Variants in PTPRT observed in about 807,000 individuals in gnomAD.
The protein encoded by PTPRT is receptor-type tyrosine-protein phosphatase T.
Under a neutral mutation model 176.8 loss-of-function variants are expected in PTPRT, and 56 were observed. The ratio of observed to expected loss-of-function variants is 0.32; its 90% CI spans 0.26 to 0.40. PTPRT has a LOEUF of 0.40. Ranked by LOEUF, PTPRT falls within the 10% of genes least tolerant of loss-of-function variation. PTPRT has a pLI of 1.00. For missense variants in PTPRT, 1,540 were observed against 1,908.2 expected, an observed-to-expected ratio of 0.81 and a Z score of 3.60; for synonymous variants, 783 against 739.0, an observed-to-expected ratio of 1.06 and a Z score of -0.96.
rs186887354 is a variant in PTPRT, at chr20:42,522,806, T to C, written c.1154-50244A>G. Reference sequence around the variant, plus strand: ...TTTGCATGTGTTTTTATTTCGATTATCTTCTGTCTTCCCATTTATATGAAA... The same window carrying C: ...TTTGCATGTGTTTTTATTTCGATTACCTTCTGTCTTCCCATTTATATGAAA... On this transcript the variant is annotated intron_variant, in intron 7 of 30. Coordinates refer to ENST00000373187, the MANE Select transcript of PTPRT (RefSeq NM_007050.6). 2.6e-4 allele frequency among the ~76,000 whole-genome samples: 40 copies of C among 152,276 alleles called. No homozygotes were observed. The East Asian group carries it at 6.9e-3, about 26-fold the overall frequency.
chr20:42,426,912 G>A (rs971430674), intron 9 of PTPRT, among the ~76,000 whole-genome samples: 2 of 152,156 alleles, frequency 1.3e-5, no homozygotes, highest in Admixed American at 1.3e-4. Flanking sequence ...CAGGAGTCCT[G>A]AGAATTTGAG....
intron 26 of PTPRT, among the ~76,000 whole-genome samples, chr20:42,100,291 C>T (rs191429142): frequency 9.9e-5 from 15 of 152,160 alleles, no homozygotes; most frequent in African/African-American, 2.4e-4. Flanking sequence ...AGGGATCAGC[C>T]GGCAATCCAT....
In PTPRT at chr20:43,120,462, G is replaced by A. The variant is rs540294716; in HGVS notation, c.88+69184C>T. Among the ~76,000 whole-genome samples the A allele has an allele frequency of 5.9e-5, 9 of 152,236 alleles. No homozygotes were observed. In the South Asian group the frequency reaches 1.0e-3, roughly 18 times the overall value. On this transcript the variant is annotated intron_variant, in intron 1 of 30. Transcript: ENST00000373187. ...AATTGTTTGTATTTTTAGTAGAGAC[G>A]GGGTTTCACCATGTTAGCCAGGATG...
intron 2 of PTPRT, among the ~76,000 whole-genome samples, chr20:42,798,155 C>T: frequency 6.6e-6 from 1 of 152,148 alleles, no homozygotes; most frequent in East Asian, 1.9e-4. Flanking sequence ...CAGCCATGGT[C>T]CTTCATTAAA....
intron 7 of PTPRT, among the ~76,000 whole-genome samples, chr20:42,499,394 C>T (rs374781376): frequency 1.6e-4 from 24 of 151,770 alleles, no homozygotes; most frequent in African/African-American, 5.3e-4. Flanking sequence ...TGGGTTCAAG[C>T]GATTCTACTG....
intron 16 of PTPRT, among the ~76,000 whole-genome samples, chr20:42,169,743 A>AAC (rs56329932): frequency 0.16 from 16,693 of 104,400 alleles, 1,332 homozygotes; most frequent in East Asian, 0.26. Context: ...ACAATTTTCA[A>AAC]ACACACACAC....
At chr20:42,203,599 A>G (rs922255037) in intron 15 of PTPRT, among the ~76,000 whole-genome samples, 2 of 152,192 alleles carry the variant, frequency 1.3e-5, no homozygotes, top group East Asian at 3.9e-4. Flanking sequence ...GCTCTTCTAC[A>G]TAGAATTATA....
intron 9 of PTPRT, among the ~76,000 whole-genome samples, chr20:42,405,231 T>C (rs2058949756): frequency 6.6e-6 from 1 of 151,522 alleles, no homozygotes; most frequent in African/African-American, 2.4e-5. Context: ...CTAGGGTACA[T>C]GTGCATAACG....
chr20:43,067,362 T>C (rs1197394918), intron 1 of PTPRT, among the ~76,000 whole-genome samples: 2 of 152,172 alleles, frequency 1.3e-5, no homozygotes, highest in African/African-American at 2.4e-5. Flanking sequence ...CAGGATTTCC[T>C]TTTAGGGTAA....
intron 7 of PTPRT, among the ~76,000 whole-genome samples, chr20:42,577,652 C>T (rs2073285390): frequency 6.6e-6 from 1 of 152,152 alleles, no homozygotes; most frequent in Non-Finnish European, 1.5e-5. Flanking sequence ...ACTGCTTTCT[C>T]CATCTAGTTC....
chr20:42,286,589 G>C (rs1037177462), intron 12 of PTPRT, among the ~76,000 whole-genome samples: 7 of 151,590 alleles, frequency 4.6e-5, no homozygotes, highest in African/African-American at 1.7e-4. Context: ...AACTCAAAAT[G>C]GATAAGAGAC....
chr20:42,482,980 A>T (rs1162906230), intron 7 of PTPRT, among the ~76,000 whole-genome samples: 1 of 152,170 alleles, frequency 6.6e-6, no homozygotes, highest in Non-Finnish European at 1.5e-5. Context: ...ATGTGTTTTG[A>T]AGGAAATATA....
At chr20:42,569,915 A>G (rs2073125128) in intron 7 of PTPRT, among the ~76,000 whole-genome samples, 1 of 152,212 alleles carries the variant, frequency 6.6e-6, no homozygotes, top group Non-Finnish European at 1.5e-5. Context: ...GGTTCCTTAC[A>G]TAGCAATAGC....
intron 22 of PTPRT, among the ~76,000 whole-genome samples, chr20:42,111,597 A>G (rs1383347624): frequency 6.6e-6 from 1 of 152,192 alleles, no homozygotes; most frequent in Non-Finnish European, 1.5e-5. Context: ...ACTAACAAAC[A>G]TTAACTAAGC....
chr20:42,846,846 T>G (rs1298543687), intron 2 of PTPRT, among the ~76,000 whole-genome samples: 1 of 152,128 alleles, frequency 6.6e-6, no homozygotes, highest in African/African-American at 2.4e-5. Flanking sequence ...TCCTGTGTCT[T>G]AGGTCTCCCT....
At chr20:43,083,289 T>C (rs2011488939) in intron 1 of PTPRT, among the ~76,000 whole-genome samples, 1 of 134,036 alleles carries the variant, frequency 7.5e-6, no homozygotes, top group African/African-American at 2.7e-5. Flanking sequence ...GAGGTATAAT[T>C]TATATACCAT....
At chr20:42,386,703 A>T (rs1377996354) in intron 9 of PTPRT, among the ~76,000 whole-genome samples, 1 of 152,148 alleles carries the variant, frequency 6.6e-6, no homozygotes, top group African/African-American at 2.4e-5. Flanking sequence ...TCTACTAAAA[A>T]TACAAAAATT....
chr20:42,065,054 C>A, the PTPRT span, among the ~76,000 whole-genome samples: 19 of 152,306 alleles, frequency 1.2e-4, no homozygotes, highest in Admixed American at 9.8e-4. Flanking sequence ...CAGCCAACAG[C>A]CAGCATCAAC....
intron 1 of PTPRT, among the ~76,000 whole-genome samples, chr20:43,157,338 T>C (rs2014552635): frequency 6.6e-6 from 1 of 152,168 alleles, no homozygotes; most frequent in Admixed American, 6.5e-5. Flanking sequence ...CACTCTAGCC[T>C]GGGTGGCAGA....
Sources: gnomAD v4.1 joint callset for allele counts (sites outside exome capture counted in the v4.1 genomes callset) on GRCh38, gnomAD v4.1.1 for gene constraint, MANE v1.5 for transcripts, NCBI Gene and HGNC (gene_info 2026-07-23, HGNC 2026-07-21) for gene names.